The following DPYD variants were observed in gnomAD, a reference collection of about 807,000 sequenced individuals.
DPYD encodes the protein dihydropyrimidine dehydrogenase, also known as dihydropyrimidine dehydrogenase [NADP(+)].
A neutral mutation model predicts 116.2 loss-of-function variants in DPYD; 109 were observed. That is an observed-to-expected ratio of 0.94 (90% CI 0.80 to 1.10). The LOEUF is 1.10. Among genes scored for constraint, DPYD ranks in the 50% least tolerant of loss-of-function variants. DPYD has a pLI of 0.00. For synonymous variants in DPYD, 440 were observed against 432.0 expected (o/e 1.02, Z -0.23); for missense variants, 1,302 against 1,254.5 (o/e 1.04, Z -0.57).
chr1:97,585,708 T>G (rs1654045509), intron 10 of DPYD, among the ~76,000 whole-genome samples: 1 of 152,182 alleles, frequency 6.6e-6, no homozygotes, highest in African/African-American at 2.4e-5. Context: ...CAAATTACTT[T>G]TTAATATTTT....
chr1:97,307,154 T>A (rs1667222207), intron 16 of DPYD, among the ~76,000 whole-genome samples: 1 of 151,902 alleles, frequency 6.6e-6, no homozygotes, highest in Admixed American at 6.6e-5. Context: ...ATAGTCCTTT[T>A]TTTCATTACT....
chr1:97,372,331 T>C (rs887596015), intron 16 of DPYD, among the ~76,000 whole-genome samples: 2 of 152,154 alleles, frequency 1.3e-5, no homozygotes, highest in African/African-American at 4.8e-5. Context: ...CCAGGTATCC[T>C]TTAAGGAATC....
chr1:97,368,677 G>A (rs192717765), intron 16 of DPYD, among the ~76,000 whole-genome samples: 6 of 152,302 alleles, frequency 3.9e-5, no homozygotes, highest in Admixed American at 3.9e-4. Flanking sequence ...ACAATGTCAG[G>A]AACTCAGAGG....
intron 12 of DPYD, among the ~76,000 whole-genome samples, chr1:97,541,790 C>A (rs1293517841): frequency 2.0e-5 from 3 of 152,080 alleles, no homozygotes; most frequent in Non-Finnish European, 4.4e-5. Flanking sequence ...TTAAGGAATT[C>A]ATTTAGCTAT....
At chr1:97,334,664 C>T (rs749779678) in intron 16 of DPYD, among the ~76,000 whole-genome samples, 11 of 152,184 alleles carry the variant, frequency 7.2e-5, no homozygotes, top group Non-Finnish European at 1.2e-4. Context: ...TAAGCCTCTG[C>T]TTTCCTGGCT....
intron 20 of DPYD, among the ~76,000 whole-genome samples, chr1:97,131,264 T>A (rs1486302232): frequency 6.6e-6 from 1 of 152,178 alleles, no homozygotes; most frequent in African/African-American, 2.4e-5. Flanking sequence ...TTGGCTTTCA[T>A]CTATTCTTAG....
chr1:97,875,425 A>C (rs1303390335), intron 2 of DPYD, among the ~76,000 whole-genome samples: 4 of 151,998 alleles, frequency 2.6e-5, no homozygotes, highest in African/African-American at 7.2e-5. Context: ...CTATCAAGAG[A>C]GGCATAATTG....
At chr1:97,187,390 T>C (rs1276876511) in intron 20 of DPYD, among the ~76,000 whole-genome samples, 7 of 152,320 alleles carry the variant, frequency 4.6e-5, no homozygotes, top group Non-Finnish European at 1.5e-5. Flanking sequence ...AAAATGTCTG[T>C]TCACGTCCTT....
chr1:97,766,079 A>G (rs1665837333), intron 3 of DPYD, among the ~76,000 whole-genome samples: 1 of 152,024 alleles, frequency 6.6e-6, no homozygotes, highest in African/African-American at 2.4e-5. Flanking sequence ...CTCTACTAAA[A>G]AAACACAAAA....
At chr1:97,648,386 T>C (rs1658391359) in intron 8 of DPYD, among the ~76,000 whole-genome samples, 1 of 152,038 alleles carries the variant, frequency 6.6e-6, no homozygotes, top group Non-Finnish European at 1.5e-5. Context: ...TACAGGCAAT[T>C]TGGTGTTTGT....
chr1:97,642,648 G>A (rs566782179), intron 8 of DPYD, among the ~76,000 whole-genome samples: 7 of 145,228 alleles, frequency 4.8e-5, no homozygotes, highest in African/African-American at 7.6e-5. Context: ...ACCAAACACC[G>A]CATGTTCTCA....
At chr1:97,773,261 T>G (rs1666233423) in intron 3 of DPYD, among the ~76,000 whole-genome samples, 1 of 152,212 alleles carries the variant, frequency 6.6e-6, no homozygotes, top group African/African-American at 2.4e-5. Flanking sequence ...AAGTAAAATT[T>G]GAATCCAGGA....
Position 97,687,163 on chromosome 1 carries a change from T to G in DPYD, c.762+4554A>C, listed in dbSNP as rs565780425. ...GCAGCCACCTATAATCCCAGCTACT[T>G]GGGACACTCGGGCAGGAAAACAGCT... On this transcript the variant is annotated intron_variant, in intron 7 of 22. Coordinates refer to ENST00000370192, the MANE Select transcript of DPYD (RefSeq NM_000110.4). 2.6e-5 allele frequency among the ~76,000 whole-genome samples: 4 copies of G among 152,000 alleles called. No individual in the cohort carries two copies. The South Asian group carries it at 8.3e-4, about 32-fold the overall frequency.
chr1:97,200,359 C>A (rs192780138), intron 19 of DPYD, among the ~76,000 whole-genome samples: 2 of 152,228 alleles, frequency 1.3e-5, no homozygotes, highest in South Asian at 4.1e-4. Context: ...AGTAAAAGTT[C>A]TATTGGAGAA....
chr1:97,157,391 T>C (rs1047691470), intron 20 of DPYD, among the ~76,000 whole-genome samples: 3 of 152,186 alleles, frequency 2.0e-5, no homozygotes, highest in Admixed American at 6.6e-5. Flanking sequence ...CCCTTTTCAG[T>C]GTATTACCAT....
intron 3 of DPYD, among the ~76,000 whole-genome samples, chr1:97,748,620 TAAAAC>T (rs1485226781): frequency 6.6e-6 from 1 of 152,118 alleles, no homozygotes; most frequent in Non-Finnish European, 1.5e-5. Flanking sequence ...AATTAATAAA[TAAAAC>T]AAAAGACTAT....
chr1:97,642,045 G>A lies in DPYD; in HGVS notation c.850+37050C>T, dbSNP rs533364355. On this transcript the variant is annotated intron_variant, in intron 8 of 22. Coordinates refer to ENST00000370192, the MANE Select transcript of DPYD (RefSeq NM_000110.4). ...AATACCTAGGAATACAAATTACAAG[G>A]GGTGTGAAGGACCTCCTCAAGGAGA... 5.3e-5 allele frequency among the ~76,000 whole-genome samples: 8 copies of A among 152,232 alleles called. No individual in the cohort carries two copies. The South Asian group carries it at 1.7e-3, about 32-fold the overall frequency.
chr1:97,344,595 C>CCA (rs35038074), intron 16 of DPYD, among the ~76,000 whole-genome samples: 22,240 of 148,856 alleles, frequency 0.15, 1,657 homozygotes, highest in South Asian at 0.24. Context: ...ATATATGTCA[C>CCA]CACACACACA....
intron 16 of DPYD, among the ~76,000 whole-genome samples, chr1:97,334,460 T>TA (rs1329923436): frequency 2.3e-5 from 3 of 129,796 alleles, no homozygotes; most frequent in African/African-American, 9.3e-5. Context: ...CTGTCTACAT[T>TA]AAAAAACAAA....
Sources: gnomAD v4.1 joint callset for allele counts (sites outside exome capture counted in the v4.1 genomes callset) on GRCh38, gnomAD v4.1.1 for gene constraint, MANE v1.5 for transcripts, NCBI Gene and HGNC (gene_info 2026-07-23, HGNC 2026-07-21) for gene names.